The following HMCN1 variants were observed in gnomAD, a reference collection of about 807,000 sequenced individuals.
HMCN1 encodes the protein hemicentin 1.
A neutral mutation model predicts 625.9 loss-of-function variants in HMCN1; 321 were observed. That is an observed-to-expected ratio of 0.51 (90% CI 0.47 to 0.56). The LOEUF is 0.56. HMCN1 is among the 20% of genes least tolerant of loss of function. The pLI, the probability that HMCN1 is intolerant of heterozygous loss-of-function variation, is 0.00. For synonymous variants in HMCN1, 2,425 were observed against 2,417.6 expected (o/e 1.00, Z -0.09); for missense variants, 6,588 against 6,887.3 (o/e 0.96, Z 1.54).
At chr1:186,122,833 T>C in intron 80 of HMCN1, 118 bp from the exon 81 acceptor site, 4 of 1,066,650 alleles carry the variant, frequency 3.8e-6, no homozygotes, top group Admixed American at 2.0e-5. Flanking sequence ...TCTAATGATA[T>C]GGTGAAGTCA....
At chr1:185,970,286 C>G in intron 14 of HMCN1, 49 bp from the exon 15 acceptor site, 3 of 1,547,962 alleles carry the variant, frequency 1.9e-6, no homozygotes, top group Non-Finnish European at 2.7e-6. Context: ...GCTGCATAAA[C>G]AATTTTAATA....
intron 11 of HMCN1, among the ~76,000 whole-genome samples, chr1:185,958,228 C>T (rs948356371): frequency 1.3e-5 from 2 of 152,126 alleles, no homozygotes; most frequent in Non-Finnish European, 2.9e-5. Context: ...GATCCTCCCA[C>T]CTCAGTCTTC....
At chr1:185,851,531 A>G (rs1260132844) in intron 2 of HMCN1, among the ~76,000 whole-genome samples, 1 of 152,178 alleles carries the variant, frequency 6.6e-6, no homozygotes, top group Non-Finnish European at 1.5e-5. Context: ...GAATACAGAG[A>G]AGTAACTTGA....
intron 1 of HMCN1, among the ~76,000 whole-genome samples, chr1:185,749,012 T>C (rs780305898): frequency 2.6e-5 from 4 of 152,208 alleles, no homozygotes; most frequent in Non-Finnish European, 1.5e-5. Flanking sequence ...TCTCTGGCTC[T>C]GGAGCTTGGG....
Position 186,110,977 on chromosome 1 carries a change from CTTT to C in HMCN1, c.10990-1816_10990-1814del, listed in dbSNP as rs557887846. On this transcript the variant is annotated intron_variant, in intron 71 of 106. Coordinates refer to ENST00000271588, the MANE Select transcript of HMCN1 (RefSeq NM_031935.3). ...TACGGAAGAAAAACCAGAGAAAATT[CTTT>C]TTTTTTTTTTTTTTTTTTGAGACGG... Among the ~76,000 whole-genome samples, 330 of 61,620 alleles carry C rather than the reference CTTT, an allele frequency of 5.4e-3. 9 individuals are homozygous for C. The highest frequency in any genetic ancestry group is 0.01 in the South Asian group (17 of 1,648). The allele number at this position is 61,620 out of a possible 152,430, so 40.4% of individuals were successfully genotyped here.
intron 16 of HMCN1, among the ~76,000 whole-genome samples, chr1:185,978,867 G>A (rs1355985819): frequency 1.3e-5 from 2 of 152,044 alleles, no homozygotes; most frequent in Non-Finnish European, 2.9e-5. Context: ...TTTTGGTAGA[G>A]ATAGGGTTTT....
rs34112345 is a variant in HMCN1 at position 185,857,465 on chromosome 1, TTGTGTGTGTGTGTG to T, written c.340-6994_340-6981del. Among the ~76,000 whole-genome samples, 612 of 148,872 alleles carry T rather than the reference TTGTGTGTGTGTGTG, an allele frequency of 4.1e-3. 1 individual carries two copies. The highest frequency in any genetic ancestry group is 0.015 in the African/African-American group (589 of 40,614). On this transcript the variant is annotated intron_variant, in intron 2 of 106. Coordinates refer to ENST00000271588, the MANE Select transcript of HMCN1 (RefSeq NM_031935.3). ...AGTTCATCTCCATTATACCTTTCAT[TTGTGTGTGTGTGTG>T]TGTGTGTGTGCATGTTTCTGTGGTT...
At chr1:186,066,279 G>GTTCATTCATTCA (rs377381395) in intron 49 of HMCN1, among the ~76,000 whole-genome samples, 2 of 151,796 alleles carry the variant, frequency 1.3e-5, no homozygotes, top group African/African-American at 4.9e-5. Context: ...TTATATATAT[G>GTTCATTCATTCA]TTCATTCATT....
At chr1:186,131,225 T>C in intron 85 of HMCN1, among the ~76,000 whole-genome samples, 1 of 152,178 alleles carries the variant, frequency 6.6e-6, no homozygotes, top group South Asian at 2.1e-4. Flanking sequence ...GTTTAAGTAA[T>C]TGAAATAATT....
chr1:185,926,450 A>C lies in HMCN1; in HGVS notation c.1430+1259A>C, dbSNP rs142111109. ...TAATTGACCGGGATATAAAATGATGAAGCTACATAACTAGCTGGTGAAATC... is the reference window on the plus strand; with the variant it reads ...TAATTGACCGGGATATAAAATGATGCAGCTACATAACTAGCTGGTGAAATC... On this transcript the variant is annotated intron_variant, in intron 9 of 106. Coordinates refer to ENST00000271588, the MANE Select transcript of HMCN1 (RefSeq NM_031935.3). Among the ~76,000 whole-genome samples, 1,381 of 152,326 alleles carry C rather than the reference A, an allele frequency of 9.1e-3. 26 individuals are homozygous for C. The highest frequency in any genetic ancestry group is 0.031 in the African/African-American group (1,305 of 41,572).
intron 44 of HMCN1, among the ~76,000 whole-genome samples, chr1:186,054,602 C>A (rs536652189): frequency 6.6e-6 from 1 of 151,966 alleles, no homozygotes; most frequent in East Asian, 1.9e-4. Context: ...ATCAGTGACA[C>A]GTGAATTCAG....
chr1:186,160,681 C>T (rs1000195337), intron 97 of HMCN1, among the ~76,000 whole-genome samples: 24 of 152,218 alleles, frequency 1.6e-4, no homozygotes, highest in Middle Eastern at 3.4e-3. Context: ...GTTATGTACC[C>T]AGTAGTCATT....
rs76841858 is a variant in HMCN1 at position 185,854,320 on chromosome 1, G to C, written c.339+8224G>C. 1.3e-3 allele frequency among the ~76,000 whole-genome samples: 203 copies of C among 152,162 alleles called. 1 individual carries two copies. Among genetic ancestry groups the C allele is most frequent in the African/African-American group, 4.6e-3 (192 of 41,514 alleles). ...TTAAAAAAAAATTCAGGAGAATTGT[G>C]GAGTCCTAGTATTGGAATTGATTTT... On this transcript the variant is annotated intron_variant, in intron 2 of 106. Coordinates refer to ENST00000271588, the MANE Select transcript of HMCN1 (RefSeq NM_031935.3).
chr1:186,164,647 T>A (rs55746760), intron 97 of HMCN1, among the ~76,000 whole-genome samples: 7,974 of 152,238 alleles, frequency 0.052, 238 homozygotes, highest in South Asian at 0.087. Flanking sequence ...AAATGCTCAA[T>A]AGTGCTAATG....
chr1:185,927,271 T>A (rs1283380844), intron 9 of HMCN1, among the ~76,000 whole-genome samples: 2 of 152,208 alleles, frequency 1.3e-5, no homozygotes, highest in Admixed American at 6.5e-5. Context: ...ACCTCCTAGA[T>A]GATGACATTT....
chr1:185,776,541 G>A (rs1396031130), intron 1 of HMCN1, among the ~76,000 whole-genome samples: 1 of 150,860 alleles, frequency 6.6e-6, no homozygotes, highest in African/African-American at 2.5e-5. Flanking sequence ...CTCTTTTTTA[G>A]TAATTACATT....
At chr1:185,940,463 G>T (rs1294929428) in intron 11 of HMCN1, among the ~76,000 whole-genome samples, 1 of 152,102 alleles carries the variant, frequency 6.6e-6, no homozygotes, top group Non-Finnish European at 1.5e-5. Context: ...GCTTGTGCAG[G>T]ATATGTTTTA....
At position 185,773,366 on chromosome 1, in the gene HMCN1, T is replaced by C. The variant is rs74135308; in HGVS notation, c.268+38319T>C. ...CTAACTATGGTAATCTCATTTCATT[T>C]GCCAATCATTCATTTGGGAATGAGC... On this transcript the variant is annotated intron_variant, in intron 1 of 106. Coordinates refer to ENST00000271588, the MANE Select transcript of HMCN1 (RefSeq NM_031935.3). 6.9e-3 allele frequency among the ~76,000 whole-genome samples: 1,045 copies of C among 152,328 alleles called. 12 individuals carry two copies. Among genetic ancestry groups the C allele is most frequent in the African/African-American group, 0.022 (933 of 41,582 alleles).
At chr1:185,812,749 A>T (rs543848998) in intron 1 of HMCN1, among the ~76,000 whole-genome samples, 45 of 152,222 alleles carry the variant, frequency 3.0e-4, no homozygotes, top group Middle Eastern at 3.4e-3. Context: ...TGGTTCTTAA[A>T]TTATCTCAAT....
Sources: gnomAD v4.1 joint callset for allele counts (sites outside exome capture counted in the v4.1 genomes callset) on GRCh38, gnomAD v4.1.1 for gene constraint, MANE v1.5 for transcripts, NCBI Gene and HGNC (gene_info 2026-07-23, HGNC 2026-07-21) for gene names.